The following SLC2A5 variants were observed in gnomAD, a reference collection of about 807,000 sequenced individuals.
SLC2A5 encodes the protein solute carrier family 2, facilitated glucose transporter member 5.
A neutral mutation model predicts 50.3 loss-of-function variants in SLC2A5; 56 were observed. The observed-to-expected ratio is 1.11, with a 90% CI of 0.90 to 1.39. The LOEUF (loss-of-function observed/expected upper bound fraction) is 1.39, where lower values mean the gene tolerates loss of function less well. SLC2A5 is among the 40% of genes most tolerant of loss of function. The pLI is 0.00. For synonymous variants in SLC2A5, 269 were observed against 281.9 expected, an observed-to-expected ratio of 0.95 and a Z score of 0.46; for missense variants, 566 against 650.1, an observed-to-expected ratio of 0.87 and a Z score of 1.41.
At chr1:9,044,468 A>AC (rs1197812590) in intron 4 of SLC2A5, among the ~76,000 whole-genome samples, 2 of 152,054 alleles carry the variant, frequency 1.3e-5, no homozygotes, top group African/African-American at 2.4e-5. Flanking sequence ...TCATCTTGGC[A>AC]CCCCCCTTGT....
At chr1:9,053,593 G>T (rs1641681566) in intron 3 of SLC2A5, among the ~76,000 whole-genome samples, 3 of 122,568 alleles carry the variant, frequency 2.4e-5, no homozygotes, top group Admixed American at 1.1e-4. Flanking sequence ...TTTTAAATAG[G>T]CAGGGCACAG....
At chr1:9,052,051 C>G (rs1044641609) in intron 3 of SLC2A5, among the ~76,000 whole-genome samples, 1 of 152,146 alleles carries the variant, frequency 6.6e-6, no homozygotes, top group South Asian at 2.1e-4. Context: ...CTTGGGAGGC[C>G]GAGGTGGGCG....
At chr1:9,084,285 C>T (rs1642383326) in intron 2 of SLC2A5, among the ~76,000 whole-genome samples, 1 of 152,184 alleles carries the variant, frequency 6.6e-6, no homozygotes, top group Non-Finnish European at 1.5e-5. Context: ...CATAAATATC[C>T]CACCCCTTGG....
intron 2 of SLC2A5, among the ~76,000 whole-genome samples, chr1:9,078,433 C>G (rs1018981516): frequency 4.6e-5 from 7 of 152,088 alleles, no homozygotes; most frequent in South Asian, 4.2e-4. Context: ...TGGAGTCGCT[C>G]TGGTTCCAAT....
At chr1:9,069,459 C>T in intron 1 of SLC2A5, 45 bp downstream of exon 1, 2 of 1,607,842 alleles carry the variant, frequency 1.2e-6, no homozygotes, top group Non-Finnish European at 1.7e-6. Flanking sequence ...CAGGCCCTGG[C>T]AGCCAAGCCT....
chr1:9,065,395 G>A (rs1642054338), intron 1 of SLC2A5, among the ~76,000 whole-genome samples: 1 of 152,222 alleles, frequency 6.6e-6, no homozygotes, highest in African/African-American at 2.4e-5. Flanking sequence ...TGAAGTTTCT[G>A]TTGTCAGAGA....
intron 1 of SLC2A5, among the ~76,000 whole-genome samples, chr1:9,061,281 CAAA>C (rs148475993): frequency 8.1e-5 from 9 of 111,412 alleles, no homozygotes; most frequent in Admixed American, 3.3e-4. Context: ...GACCCTGTCT[CAAA>C]AAAAAAAAAA....
At position 9,041,896 on chromosome 1, in the gene SLC2A5, C is replaced by T. The variant is rs1269091191; in HGVS notation, c.460G>A (p.Ala154Thr). The T allele has an allele frequency of 6.2e-7, 1 of 1,613,538 alleles. No individual in the cohort carries two copies. The highest frequency in any genetic ancestry group is 8.5e-7 in the Non-Finnish European group (1 of 1,179,814). Residue 154 changes from alanine (A) to threonine (T), a missense_variant, in exon 5 of 12, where the codon GCC (alanine) becomes ACC (threonine). Transcript: ENST00000377424. ...NVVPMYLGEL[A>T]PKNLRGALGV... ...AGAGCCCCCCGCAGGTTTTTAGGGG[C>T]CAGCTCCCCTAAGTACATGGGGACC...
In SLC2A5 at chr1:9,037,795, G is replaced by C. The variant is rs1641172539; in HGVS notation, c.1303-6C>G. 1.2e-6 allele frequency: 2 copies of C among 1,613,992 alleles called. No individual in the cohort carries two copies. Among genetic ancestry groups the C allele is most frequent in the African/African-American group, 2.7e-5 (2 of 74,948 alleles). ...CTGTACGGGCCGAGGCCCTCCTGCG[G>C]GAAGAGGGGCAGGTGACACGTGTGG... On this transcript the variant is annotated splice_region_variant and splice_polypyrimidine_tract_variant and intron_variant, in intron 11 of 11. Coordinates refer to ENST00000377424, the MANE Select transcript of SLC2A5 (RefSeq NM_003039.3).
chr1:9,056,851 C>T (rs569001145), intron 3 of SLC2A5, among the ~76,000 whole-genome samples: 13 of 152,268 alleles, frequency 8.5e-5, no homozygotes, highest in Non-Finnish European at 1.5e-5. Flanking sequence ...GAAGCAAGTC[C>T]TGGGTCTCCA....
Position 9,038,930 on chromosome 1 carries a change from C to G in SLC2A5, c.997-1G>C, listed in dbSNP as rs1221247210. On this transcript the variant is annotated splice_acceptor_variant, in intron 8 of 11. Coordinates refer to ENST00000377424, the MANE Select transcript of SLC2A5 (RefSeq NM_003039.3). LOFTEE classifies it high-confidence loss of function. ...GACCCAGGAGCTCCACCACGAACAC[C>G]TACAGGAGGGTGGCAGGGCTCAGGC... 2 of 1,611,930 alleles carry G rather than the reference C, an allele frequency of 1.2e-6. No homozygotes were observed. Among genetic ancestry groups the G allele is most frequent in the African/African-American group, 2.7e-5 (2 of 74,936 alleles).
chr1:9,073,008 A>G (rs1475785640), upstream of SLC2A5: 1 of 152,156 alleles, frequency 6.6e-6, no homozygotes, highest in African/African-American at 2.4e-5. Context: ...TTTCTGAATC[A>G]GAATGAAAAG....
At chr1:9,061,209 G>A (rs1180340745) in intron 1 of SLC2A5, among the ~76,000 whole-genome samples, 1 of 149,582 alleles carries the variant, frequency 6.7e-6, no homozygotes, top group African/African-American at 2.5e-5. Context: ...TTGAGCACGG[G>A]ACGCAGAGGT....
chr1:9,057,216 G>A (rs1177307291), intron 3 of SLC2A5, among the ~76,000 whole-genome samples: 1 of 151,498 alleles, frequency 6.6e-6, no homozygotes, highest in African/African-American at 2.4e-5. Flanking sequence ...AACCTGGGAG[G>A]CGGAGGTTGC....
chr1:9,047,584 T>C (rs1641466854), intron 4 of SLC2A5, 26 bp downstream of exon 4: 1 of 1,609,412 alleles, frequency 6.2e-7, no homozygotes, highest in Admixed American at 1.7e-5. Flanking sequence ...CCTCACAGAA[T>C]GGCAATACAG....
chr1:9,060,074 AC>A (rs1641876805), intron 1 of SLC2A5, among the ~76,000 whole-genome samples: 1 of 75,570 alleles, frequency 1.3e-5, no homozygotes, highest in Non-Finnish European at 2.8e-5. Flanking sequence ...TACACACACT[AC>A]ACACACACAC....
intron 2 of SLC2A5, among the ~76,000 whole-genome samples, chr1:9,076,986 A>G (rs947806653): frequency 6.6e-6 from 1 of 151,346 alleles, no homozygotes; most frequent in African/African-American, 2.4e-5. Flanking sequence ...ATAGGGTTTC[A>G]CCATGTTGGC....
intron 3 of SLC2A5, among the ~76,000 whole-genome samples, chr1:9,056,864 A>G (rs1641766586): frequency 6.6e-6 from 1 of 152,164 alleles, no homozygotes; most frequent in African/African-American, 2.4e-5. Flanking sequence ...GGTCTCCACA[A>G]GCACACACGG....
intron 7 of SLC2A5, 27 bp downstream of exon 7, chr1:9,039,773 G>A (rs2124309045): frequency 6.8e-7 from 1 of 1,462,546 alleles, no homozygotes; most frequent in East Asian, 2.8e-5. Flanking sequence ...GCCCTCCCCA[G>A]CTCCCGAGCC....
Sources: allele counts gnomAD v4.1 joint callset (sites outside exome capture counted in the v4.1 genomes callset), GRCh38; gene constraint gnomAD v4.1.1; transcripts MANE v1.5; gene names NCBI Gene and HGNC (gene_info 2026-07-23, HGNC 2026-07-21).